Variants in DYM observed in about 807,000 individuals in gnomAD.
DYM encodes the protein dyggve-Melchior-Clausen syndrome protein.
A neutral mutation model predicts 93.1 loss-of-function variants in DYM; 78 were observed. The ratio of observed to expected loss-of-function variants is 0.84; its 90% CI spans 0.70 to 1.01. The LOEUF is 1.01. DYM is among the 50% of genes least tolerant of loss of function. The probability of loss-of-function intolerance (pLI) is 0.00; values close to 1 mark genes in which losing one functional copy is unlikely to be tolerated. For synonymous variants in DYM, 321 were observed against 319.7 expected, an observed-to-expected ratio of 1.00 and a Z score of -0.04; for missense variants, 789 against 845.0, an observed-to-expected ratio of 0.93 and a Z score of 0.82.
intron 17 of DYM, among the ~76,000 whole-genome samples, chr18:49,092,401 C>G (rs2063938792): frequency 6.6e-6 from 1 of 152,236 alleles, no homozygotes; most frequent in South Asian, 2.1e-4. Context: ...CTGACTAGTT[C>G]TTCCCAGCAG....
At chr18:49,362,114 C>CCAAACACAG (rs1353850453) in intron 6 of DYM, among the ~76,000 whole-genome samples, 1 of 151,778 alleles carries the variant, frequency 6.6e-6, no homozygotes, top group Non-Finnish European at 1.5e-5. Context: ...AATACACCTG[C>CCAAACACAG]CTCAGGCTCC....
At chr18:49,279,942 G>GT (rs945208145) in intron 10 of DYM, among the ~76,000 whole-genome samples, 18 of 152,244 alleles carry the variant, frequency 1.2e-4, no homozygotes, top group Middle Eastern at 3.4e-3. Flanking sequence ...TATTTATGCA[G>GT]TATTTTATAT....
At chr18:49,197,604 A>G (rs550400094) in intron 14 of DYM, among the ~76,000 whole-genome samples, 42 of 152,206 alleles carry the variant, frequency 2.8e-4, no homozygotes, top group Non-Finnish European at 5.3e-4. Flanking sequence ...TATTATAGCC[A>G]AATCATGAGT....
chr18:49,233,354 A>G (rs1280895061), intron 13 of DYM, among the ~76,000 whole-genome samples: 2 of 139,310 alleles, frequency 1.4e-5, no homozygotes, highest in Admixed American at 6.9e-5. Context: ...GCAAGATTCC[A>G]TCAAAAAAAA....
At chr18:49,147,117 T>C (rs962911780) in intron 15 of DYM, among the ~76,000 whole-genome samples, 8 of 152,060 alleles carry the variant, frequency 5.3e-5, no homozygotes, top group Non-Finnish European at 1.2e-4. Flanking sequence ...ATTTAATAAA[T>C]GGTGCTGGGA....
chr18:49,418,544 T>G (rs1478616851), intron 2 of DYM, among the ~76,000 whole-genome samples: 1 of 152,188 alleles, frequency 6.6e-6, no homozygotes, highest in African/African-American at 2.4e-5. Context: ...TAAAAACAGT[T>G]AATAGTAAGG....
At chr18:49,440,492 A>G (rs2081266728) in intron 1 of DYM, among the ~76,000 whole-genome samples, 1 of 82,310 alleles carries the variant, frequency 1.2e-5, no homozygotes, top group African/African-American at 4.8e-5. Flanking sequence ...ATATATTTAT[A>G]TAATATATGA....
intron 8 of DYM, among the ~76,000 whole-genome samples, chr18:49,330,444 G>T (rs996902317): frequency 2.0e-5 from 3 of 152,024 alleles, no homozygotes; most frequent in Admixed American, 6.6e-5. Flanking sequence ...AAGATCTAAA[G>T]TTAAATTCAT....
intron 6 of DYM, among the ~76,000 whole-genome samples, chr18:49,346,309 C>G (rs1022856938): frequency 1.3e-5 from 2 of 152,128 alleles, no homozygotes; most frequent in Non-Finnish European, 2.9e-5. Context: ...GAATGAAATA[C>G]TGGTACATAT....
At chr18:49,357,909 G>A (rs2065705805) in intron 6 of DYM, among the ~76,000 whole-genome samples, 1 of 152,192 alleles carries the variant, frequency 6.6e-6, no homozygotes, top group Admixed American at 6.5e-5. Flanking sequence ...CAGCACTTTA[G>A]GAGGCCAAGG....
At chr18:49,133,582 G>A (rs184415668) in intron 15 of DYM, among the ~76,000 whole-genome samples, 148 of 152,308 alleles carry the variant, frequency 9.7e-4, no homozygotes, top group Middle Eastern at 6.8e-3. Context: ...TAGCTGCAGA[G>A]CTATTCTCCT....
intron 13 of DYM, among the ~76,000 whole-genome samples, chr18:49,217,572 A>AC (rs2093134222): frequency 6.6e-6 from 1 of 152,244 alleles, no homozygotes; most frequent in South Asian, 2.1e-4. Context: ...GAAACTCCAC[A>AC]AGCCAGAAGA....
chr18:49,187,100 T>C (rs1482896476), intron 14 of DYM, among the ~76,000 whole-genome samples: 1 of 152,004 alleles, frequency 6.6e-6, no homozygotes, highest in Admixed American at 6.6e-5. Flanking sequence ...TTTGTATGTT[T>C]AGTAGAGGCG....
At chr18:49,077,925 G>C (rs1330135175) in intron 17 of DYM, among the ~76,000 whole-genome samples, 1 of 152,058 alleles carries the variant, frequency 6.6e-6, no homozygotes, top group Non-Finnish European at 1.5e-5. Context: ...TGAGTGTTTG[G>C]TCCATTAACA....
chr18:49,327,899 C>T (rs374001277), intron 8 of DYM, among the ~76,000 whole-genome samples: 1 of 152,276 alleles, frequency 6.6e-6, no homozygotes, highest in Middle Eastern at 3.4e-3. Context: ...CTGCTGGATA[C>T]TGCAGGGGAC....
At chr18:49,180,851 T>G (rs1053882434) in intron 14 of DYM, among the ~76,000 whole-genome samples, 5 of 152,168 alleles carry the variant, frequency 3.3e-5, no homozygotes, top group Non-Finnish European at 5.9e-5. Flanking sequence ...AGGGAATTAA[T>G]GTAAAAACCC....
intron 17 of DYM, among the ~76,000 whole-genome samples, chr18:49,060,898 A>T (rs1300030833): frequency 6.6e-6 from 1 of 152,134 alleles, no homozygotes; most frequent in Non-Finnish European, 1.5e-5. Flanking sequence ...CTGCCTAGTC[A>T]GGGAAATTGT....
At chr18:49,200,015 T>G (rs2091865773) in intron 14 of DYM, among the ~76,000 whole-genome samples, 1 of 151,962 alleles carries the variant, frequency 6.6e-6, no homozygotes, top group Admixed American at 6.6e-5. Flanking sequence ...AAAAAGCAAA[T>G]CTATGAAAGT....
At chr18:49,136,825 T>C (rs1448922171) in intron 15 of DYM, among the ~76,000 whole-genome samples, 4 of 152,318 alleles carry the variant, frequency 2.6e-5, no homozygotes, top group South Asian at 4.1e-4. Context: ...ATGTGATCCC[T>C]ACCCAACTCC....
Sources: allele counts gnomAD v4.1 joint callset (sites outside exome capture counted in the v4.1 genomes callset), GRCh38; gene constraint gnomAD v4.1.1; transcripts MANE v1.5; gene names NCBI Gene and HGNC (gene_info 2026-07-23, HGNC 2026-07-21).